RALGAPA2: variants seen among roughly 807,000 people sequenced by gnomAD.
RALGAPA2 encodes the protein Ral GTPase activating protein catalytic subunit alpha 2, also known as ral GTPase-activating protein subunit alpha-2.
In RALGAPA2, 139 loss-of-function variants were observed where a neutral mutation model predicts 230.4. The observed-to-expected ratio is 0.60, with a 90% CI of 0.53 to 0.69. The LOEUF (loss-of-function observed/expected upper bound fraction) is 0.69, where lower values mean the gene tolerates loss of function less well. RALGAPA2 is among the 30% of genes least tolerant of loss of function. RALGAPA2 has a pLI of 0.00. For missense variants in RALGAPA2, 2,163 were observed against 2,276.0 expected (o/e 0.95, Z 1.01); for synonymous variants, 847 against 837.8 (o/e 1.01, Z -0.19).
At chr20:20,605,947 C>T (rs780956675) in intron 14 of RALGAPA2, among the ~76,000 whole-genome samples, 5 of 152,140 alleles carry the variant, frequency 3.3e-5, no homozygotes, top group Non-Finnish European at 5.9e-5. Context: ...AGAGGGGCCC[C>T]GCTCTGCTAC....
In RALGAPA2 at chr20:20,635,411, G is replaced by T; in HGVS notation, c.1005+7C>A. 6.3e-7 allele frequency: 1 copy of T among 1,581,230 alleles called. No individual in the cohort carries two copies. The highest frequency in any genetic ancestry group is 1.9e-5 in the Admixed American group (1 of 53,694). On this transcript the variant is annotated splice_region_variant and intron_variant, in intron 9 of 39. Coordinates refer to ENST00000202677, the MANE Select transcript of RALGAPA2 (RefSeq NM_020343.4). Reference sequence around the variant, plus strand: ...ATTAACAGATAAAAAGATGATGGATGGCATACCTGGATGATTTTAGGCAAT... The same window carrying T: ...ATTAACAGATAAAAAGATGATGGATTGCATACCTGGATGATTTTAGGCAAT...
chr20:20,552,502 C>T (rs1009006336), intron 23 of RALGAPA2, among the ~76,000 whole-genome samples: 4 of 152,112 alleles, frequency 2.6e-5, no homozygotes, highest in Admixed American at 2.0e-4. Flanking sequence ...CTATAGGAAG[C>T]TCTTTTATTT....
At position 20,527,846 on chromosome 20, in the gene RALGAPA2, T is replaced by A. The variant is rs902405625; in HGVS notation, c.3583-1484A>T. Among the ~76,000 whole-genome samples the A allele has an allele frequency of 2.1e-4, 32 of 152,146 alleles. 1 individual carries two copies. The highest frequency in any genetic ancestry group is 7.5e-4 in the African/African-American group (31 of 41,420). On this transcript the variant is annotated intron_variant, in intron 27 of 39. Coordinates refer to ENST00000202677, the MANE Select transcript of RALGAPA2 (RefSeq NM_020343.4). ...AGTGGGAGAACATGAGTGGGCACTG[T>A]GTGTGTTGCTGATGCACCACAGTGG...
rs144375438 is a variant in RALGAPA2, at chr20:20,648,928, A to G, written c.328+4602T>C. 4.8e-3 allele frequency among the ~76,000 whole-genome samples: 732 copies of G among 152,256 alleles called. 10 individuals carry two copies. Among genetic ancestry groups the G allele is most frequent in the African/African-American group, 0.017 (700 of 41,552 alleles). The stretch of plus-strand genomic sequence containing the variant: ...GCTTCAGACAAAAGTCAGGTTTCAG[A>G]TGGTCAGGGAGGTGAAAGAAAGAGG... On this transcript the variant is annotated intron_variant, in intron 4 of 39. Coordinates refer to ENST00000202677, the MANE Select transcript of RALGAPA2 (RefSeq NM_020343.4).
intron 37 of RALGAPA2, among the ~76,000 whole-genome samples, chr20:20,446,101 T>G (rs1032793128): frequency 6.6e-6 from 1 of 152,138 alleles, no homozygotes; most frequent in Non-Finnish European, 1.5e-5. Flanking sequence ...AAATCTTATA[T>G]TCTTACTTGA....
chr20:20,570,698 G>T (rs1184840822), intron 23 of RALGAPA2, among the ~76,000 whole-genome samples: 3 of 152,038 alleles, frequency 2.0e-5, no homozygotes, highest in African/African-American at 7.3e-5. Context: ...GCCAATCTCT[G>T]ATTCTATCCT....
At position 20,524,860 on chromosome 20, in the gene RALGAPA2, T is replaced by G. The variant is rs887217221; in HGVS notation, c.3732A>C (p.Ala1244=). 6.2e-7 allele frequency: 1 copy of G among 1,610,976 alleles called. No homozygotes were observed. Among genetic ancestry groups the G allele is most frequent in the Non-Finnish European group, 8.5e-7 (1 of 1,178,522 alleles). Residue 1244 remains alanine, a synonymous_variant, in exon 29 of 40, where the codon GCA becomes GCC. Coordinates refer to ENST00000202677, the MANE Select transcript of RALGAPA2 (RefSeq NM_020343.4). The part of the protein sequence containing the change: ...VATVAFLLPS[A]EYSSVETDKK... ...TGTCTGTTTCCACTGAGGAGTACTC[T>G]GCACTTGGTAAAAGAAAAGCAACTG...
At chr20:20,659,745 TG>T in intron 3 of RALGAPA2, 1 of 837,654 alleles carries the variant, frequency 1.2e-6, no homozygotes, top group East Asian at 3.9e-5. Flanking sequence ...ATGATGACAC[TG>T]GGGACCATGC....
intron 18 of RALGAPA2, among the ~76,000 whole-genome samples, chr20:20,587,866 A>G (rs1160119833): frequency 6.6e-6 from 1 of 152,156 alleles, no homozygotes; most frequent in Non-Finnish European, 1.5e-5. Flanking sequence ...TGAAACAAAA[A>G]TGGCCAATAA....
At chr20:20,432,798 G>A (rs1013251568) in intron 37 of RALGAPA2, among the ~76,000 whole-genome samples, 8 of 151,800 alleles carry the variant, frequency 5.3e-5, no homozygotes, top group Non-Finnish European at 1.2e-4. Flanking sequence ...AAACTAGCCC[G>A]CTTCCTCTTT....
At chr20:20,677,890 C>A (rs1227004931) in intron 2 of RALGAPA2, among the ~76,000 whole-genome samples, 1 of 151,896 alleles carries the variant, frequency 6.6e-6, no homozygotes, top group African/African-American at 2.4e-5. Flanking sequence ...TCGTGATCTG[C>A]CCTCCTCGGC....
chr20:20,518,709 T>C (rs2062948726), intron 31 of RALGAPA2, among the ~76,000 whole-genome samples: 1 of 152,152 alleles, frequency 6.6e-6, no homozygotes, highest in Non-Finnish European at 1.5e-5. Flanking sequence ...TATTTTTAGG[T>C]TTTTCCTTTT....
At chr20:20,633,060 CTTTT>C (rs1376232659) in intron 9 of RALGAPA2, among the ~76,000 whole-genome samples, 1 of 146,584 alleles carries the variant, frequency 6.8e-6, no homozygotes, top group Non-Finnish European at 1.5e-5. Context: ...TCCTTTCTTT[CTTTT>C]CTCTTTCTCT....
At position 20,464,391 on chromosome 20, in the gene RALGAPA2, C is replaced by A. The variant is rs73287270; in HGVS notation, c.5495+8438G>T. On this transcript the variant is annotated intron_variant, in intron 37 of 39. Transcript: ENST00000202677. The stretch of plus-strand genomic sequence containing the variant: ...TTTACATACAATTAAGAGTTAAAAA[C>A]AAAAAACCACAACTAGGTCCCTAGG... Among the ~76,000 whole-genome samples, 1,504 of 151,048 alleles carry A rather than the reference C, an allele frequency of 1.0e-2. 20 individuals carry two copies. The highest frequency in any genetic ancestry group is 0.035 in the African/African-American group (1,434 of 40,466).
intron 1 of RALGAPA2, among the ~76,000 whole-genome samples, chr20:20,695,171 T>G (rs1246112575): frequency 6.6e-6 from 1 of 152,064 alleles, no homozygotes; most frequent in Non-Finnish European, 1.5e-5. Context: ...TCTAAAATGT[T>G]GTAAAAAACA....
chr20:20,524,813 G>A lies in RALGAPA2; in HGVS notation c.3762+17C>T. The A allele has an allele frequency of 5.8e-6, 9 of 1,563,586 alleles. No homozygotes were observed. The highest frequency in any genetic ancestry group is 7.8e-6 in the Non-Finnish European group (9 of 1,158,250). On this transcript the variant is annotated intron_variant, in intron 29 of 39. Transcript: ENST00000202677. ...ATAAAAAAACTATAGGAAAAACTTA[G>A]TTAATGTGCCACCTACCTTCTTGTC...
At chr20:20,457,375 G>A (rs73287253) in intron 37 of RALGAPA2, among the ~76,000 whole-genome samples, 1,929 of 152,290 alleles carry the variant, frequency 0.013, 34 homozygotes, top group African/African-American at 0.044. Context: ...TCGCACACAC[G>A]AGTTTGCCAT....
At chr20:20,503,906 T>A (rs1464434773) in intron 34 of RALGAPA2, among the ~76,000 whole-genome samples, 2 of 152,158 alleles carry the variant, frequency 1.3e-5, no homozygotes, top group Non-Finnish European at 2.9e-5. Flanking sequence ...AGATGTTGGG[T>A]CAAAAGGTAC....
At chr20:20,618,498 G>A (rs1052116065) in intron 12 of RALGAPA2, among the ~76,000 whole-genome samples, 3 of 151,648 alleles carry the variant, frequency 2.0e-5, no homozygotes, top group Admixed American at 6.6e-5. Flanking sequence ...AGGATACCAC[G>A]AAAATGAATC....
Sources: gnomAD v4.1 joint callset for allele counts (sites outside exome capture counted in the v4.1 genomes callset) on GRCh38, gnomAD v4.1.1 for gene constraint, MANE v1.5 for transcripts, NCBI Gene and HGNC (gene_info 2026-07-23, HGNC 2026-07-21) for gene names.